The following NOVA1 variants were observed in gnomAD, a reference collection of about 807,000 sequenced individuals.
NOVA1 encodes NOVA alternative splicing regulator 1.
A neutral mutation model predicts 38.0 loss-of-function variants in NOVA1; 7 were observed. That is an observed-to-expected ratio of 0.18 (90% confidence interval 0.10 to 0.35). The LOEUF (loss-of-function observed/expected upper bound fraction) is 0.35. NOVA1 is among the 10% of genes least tolerant of loss of function. The pLI is 1.00. For synonymous variants in NOVA1, 270 were observed against 232.5 expected, an observed-to-expected ratio of 1.16 and a Z score of -1.47; for missense variants, 460 against 616.0, an observed-to-expected ratio of 0.75 and a Z score of 2.68.
At position 26,448,638 on chromosome 14, in the gene NOVA1, G is replaced by C. The variant is rs576841904; in HGVS notation, c.845C>G (p.Ala282Gly). ...YANTAEVLPT[A>G]AAAAGLLGHA... is the part of the protein sequence containing the mutation. ...TCCTAATAGCCCTGCAGCTGCTGCA[G>C]CAGTTGGTAACACTTCAGCAGTGTT... The change falls in exon 5 of 5, where the codon GCT becomes GGT. Residue 282 changes from alanine (A) to glycine (G), a missense_variant. Physicochemically the swap from Ala to Gly is moderately conservative, Grantham distance 60. Transcript: ENST00000539517. This position sits in a 1 kb window ranked among gnomAD's most constrained non-coding sequence, Gnocchi z 5.3. The C allele has an allele frequency of 4.8e-5, 77 of 1,614,264 alleles. No homozygotes were observed. The South Asian group carries it at 8.3e-4, about 17-fold the overall frequency.
At chr14:26,571,850 C>G (rs1892500350) in intron 2 of NOVA1, among the ~76,000 whole-genome samples, 1 of 152,184 alleles carries the variant, frequency 6.6e-6, no homozygotes, top group African/African-American at 2.4e-5. Flanking sequence ...CCATTTCCTT[C>G]TATCTGGTCC....
chr14:26,506,969 T>C (rs2138433199), intron 2 of NOVA1, among the ~76,000 whole-genome samples: 1 of 152,344 alleles, frequency 6.6e-6, no homozygotes, highest in Admixed American at 6.5e-5. Flanking sequence ...TTTTATTTAA[T>C]CATTCAATAG....
At chr14:26,508,555 T>TAC (rs34063277) in intron 2 of NOVA1, among the ~76,000 whole-genome samples, 92,211 of 148,902 alleles carry the variant, frequency 0.62, 29,538 homozygotes, top group Non-Finnish European at 0.71. Context: ...CACATGTACA[T>TAC]ACACACACAC....
chr14:26,562,684 G>A (rs1360668897), intron 2 of NOVA1, among the ~76,000 whole-genome samples: 1 of 152,116 alleles, frequency 6.6e-6, no homozygotes, highest in East Asian at 1.9e-4. Context: ...AAGATAATTT[G>A]CCTAATGAAA....
At chr14:26,513,678 ATTT>A (rs1489650580) in intron 2 of NOVA1, among the ~76,000 whole-genome samples, 2 of 150,226 alleles carry the variant, frequency 1.3e-5, no homozygotes, top group African/African-American at 5.0e-5. Context: ...CCTCCTGTAA[ATTT>A]TATTTAATAA....
intron 4 of NOVA1, among the ~76,000 whole-genome samples, chr14:26,455,314 T>TA (rs1438578208): frequency 6.6e-6 from 1 of 152,158 alleles, no homozygotes; most frequent in Non-Finnish European, 1.5e-5. Context: ...TCTCCAGTCT[T>TA]ACTACTTTAT....
At chr14:26,493,278 C>G (rs1886497912) in intron 2 of NOVA1, among the ~76,000 whole-genome samples, 1 of 152,156 alleles carries the variant, frequency 6.6e-6, no homozygotes, top group South Asian at 2.1e-4. Flanking sequence ...AACTACAATT[C>G]AGGTAAGTTT....
chr14:26,512,505 A>C (rs1003476523), intron 2 of NOVA1, among the ~76,000 whole-genome samples: 1 of 152,180 alleles, frequency 6.6e-6, no homozygotes, highest in Non-Finnish European at 1.5e-5. Context: ...TTGTAATATA[A>C]TATTAAAACA....
intron 2 of NOVA1, among the ~76,000 whole-genome samples, chr14:26,524,814 A>C (rs948126570): frequency 7.2e-5 from 11 of 152,204 alleles, no homozygotes; most frequent in Non-Finnish European, 1.3e-4. Context: ...AAAGGTAAAA[A>C]TTTGAATATG....
intron 2 of NOVA1, among the ~76,000 whole-genome samples, chr14:26,499,536 T>C (rs1402421467): frequency 6.6e-6 from 1 of 152,140 alleles, no homozygotes; most frequent in Non-Finnish European, 1.5e-5. Context: ...GAAAGTGATA[T>C]AGAAACTCTA....
intron 2 of NOVA1, 58 bp downstream of exon 2, chr14:26,595,352 G>C (rs904750670): frequency 1.6e-5 from 24 of 1,536,366 alleles, no homozygotes; most frequent in Non-Finnish European, 2.0e-5. Flanking sequence ...CACAACACAA[G>C]TAGATCTTTC....
At chr14:26,553,438 A>C (rs1300991063) in intron 2 of NOVA1, among the ~76,000 whole-genome samples, 4 of 152,146 alleles carry the variant, frequency 2.6e-5, no homozygotes, top group Non-Finnish European at 5.9e-5. Flanking sequence ...ATCAAGCGAG[A>C]GTTCATCTAA....
At chr14:26,496,280 C>G (rs1179568179) in intron 2 of NOVA1, among the ~76,000 whole-genome samples, 1 of 152,190 alleles carries the variant, frequency 6.6e-6, no homozygotes, top group Admixed American at 6.5e-5. Context: ...TGTTTTTTGG[C>G]TGCATAAATG....
intron 2 of NOVA1, among the ~76,000 whole-genome samples, chr14:26,537,447 A>G (rs1011481234): frequency 1.1e-4 from 16 of 152,146 alleles, no homozygotes; most frequent in African/African-American, 3.6e-4. Context: ...TCTCAAATGG[A>G]AAGTTTTTTT....
intron 2 of NOVA1, among the ~76,000 whole-genome samples, chr14:26,588,109 T>C (rs1893638922): frequency 6.6e-6 from 1 of 151,140 alleles, no homozygotes; most frequent in Non-Finnish European, 1.5e-5. Context: ...AGTATAACTA[T>C]TCTCAAACAT....
chr14:26,531,318 C>T (rs1292522131), intron 2 of NOVA1, among the ~76,000 whole-genome samples: 1 of 152,110 alleles, frequency 6.6e-6, no homozygotes, highest in Non-Finnish European at 1.5e-5. Flanking sequence ...TATAAAACCT[C>T]TAGGAGAGGC....
At chr14:26,510,207 A>T (rs553602364) in intron 2 of NOVA1, among the ~76,000 whole-genome samples, 1 of 152,318 alleles carries the variant, frequency 6.6e-6, no homozygotes, top group South Asian at 2.1e-4. Context: ...TTCCTTCTAT[A>T]CAGCACACAC....
At chr14:26,506,165 G>C (rs1247213990) in intron 2 of NOVA1, among the ~76,000 whole-genome samples, 1 of 151,688 alleles carries the variant, frequency 6.6e-6, no homozygotes, top group Non-Finnish European at 1.5e-5. Flanking sequence ...TCATGTCTTA[G>C]AAAATAAATC....
chr14:26,482,011 A>AAAAC, intron 2 of NOVA1, among the ~76,000 whole-genome samples: 1 of 122,978 alleles, frequency 8.1e-6, no homozygotes, highest in African/African-American at 2.6e-5. Flanking sequence ...AAAAAAAAAA[A>AAAAC]AAACATGGCT....
Sources: allele counts gnomAD v4.1 joint callset (sites outside exome capture counted in the v4.1 genomes callset), GRCh38; gene constraint gnomAD v4.1.1; non-coding constraint Gnocchi (gnomAD v3.1); transcripts MANE v1.5; gene names NCBI Gene and HGNC (gene_info 2026-07-23, HGNC 2026-07-21).